The following PNPLA8 variants were observed in gnomAD, a reference collection of about 807,000 sequenced individuals.
The protein encoded by PNPLA8 is calcium-independent phospholipase A2-gamma.
Under a neutral mutation model 76.9 loss-of-function variants are expected in PNPLA8, and 39 were observed. That is an observed-to-expected ratio of 0.51 (90% CI 0.39 to 0.66). The LOEUF (loss-of-function observed/expected upper bound fraction) is 0.66, where lower values mean the gene tolerates loss of function less well. Ranked by LOEUF, PNPLA8 falls within the 30% of genes least tolerant of loss-of-function variation. The pLI is 0.00. For missense variants in PNPLA8, 887 were observed against 918.0 expected, an observed-to-expected ratio of 0.97 and a Z score of 0.44; for synonymous variants, 301 against 307.9, an observed-to-expected ratio of 0.98 and a Z score of 0.24.
At chr7:108,505,332 ATATATATATATATATATATATTTTTTTT>A (rs1862304158) in intron 4 of PNPLA8, among the ~76,000 whole-genome samples, 2 of 5,472 alleles carry the variant, frequency 3.7e-4, no homozygotes, top group Admixed American at 6.7e-3. Context: ...ATATATATAT[ATATATATATATATATATATATTTTTTTT>A]TTTTTTTTTT....
At chr7:108,481,596 T>C (rs1394063975) in intron 9 of PNPLA8, among the ~76,000 whole-genome samples, 1 of 152,248 alleles carries the variant, frequency 6.6e-6, no homozygotes, top group Non-Finnish European at 1.5e-5. Context: ...TTGTTGGACA[T>C]GTGAATTTGC....
chr7:108,506,500 G>A (rs142121138), intron 4 of PNPLA8, among the ~76,000 whole-genome samples: 334 of 152,234 alleles, frequency 2.2e-3, no homozygotes, highest in African/African-American at 7.2e-3. Context: ...ATCTACTAAC[G>A]TTACAAATAT....
chr7:108,519,529 T>C (rs1369954087), intron 2 of PNPLA8, among the ~76,000 whole-genome samples: 2 of 152,168 alleles, frequency 1.3e-5, no homozygotes, highest in Non-Finnish European at 2.9e-5. Flanking sequence ...TGAGAACCTA[T>C]TCCAATTGTC....
intron 4 of PNPLA8, 119 bp downstream of exon 4, chr7:108,514,025 T>C (rs564717572): frequency 2.3e-5 from 16 of 688,030 alleles, no homozygotes; most frequent in Non-Finnish European, 3.3e-5. Flanking sequence ...ACACATCACA[T>C]GTATAATAAA....
rs11548060 is a variant in PNPLA8, at chr7:108,515,172, G to C, written c.320C>G (p.Thr107Ser). The C allele has an allele frequency of 6.2e-7, 1 of 1,607,616 alleles. No homozygotes were observed. Among genetic ancestry groups the C allele is most frequent in the East Asian group, 2.2e-5 (1 of 44,750 alleles). ...VNICMSRIKS[T>S]LNSVSKAVFG... ...AACAGCCTTTGAAACAGAGTTCAAA[G>C]TACTTTTAATACGGGACATACAAAT... The change falls in exon 3 of 11, where the codon ACT becomes AGT. Residue 107 changes from threonine (T) to serine (S), a missense_variant. By Grantham distance (58) the Thr-to-Ser change is moderately conservative. Coordinates refer to ENST00000257694, the MANE Select transcript of PNPLA8 (RefSeq NM_001256007.3).
chr7:108,501,998 C>T (rs968346090), intron 5 of PNPLA8, among the ~76,000 whole-genome samples: 2 of 151,336 alleles, frequency 1.3e-5, no homozygotes, highest in African/African-American at 2.4e-5. Context: ...CCAAATCAAA[C>T]CAAAGAACTG....
intron 9 of PNPLA8, among the ~76,000 whole-genome samples, chr7:108,480,877 A>G (rs1045023367): frequency 1.2e-4 from 19 of 152,256 alleles, no homozygotes; most frequent in African/African-American, 4.6e-4. Context: ...CTCTCATGCT[A>G]TGTCTTTGTA....
intron 10 of PNPLA8, among the ~76,000 whole-genome samples, chr7:108,474,328 A>C (rs1859828609): frequency 1.3e-5 from 2 of 152,194 alleles, no homozygotes; most frequent in Non-Finnish European, 2.9e-5. Flanking sequence ...GATCAGGAAC[A>C]GGGTAAGATG....
chr7:108,507,319 G>A (rs1433855315), intron 4 of PNPLA8, among the ~76,000 whole-genome samples: 2 of 132,722 alleles, frequency 1.5e-5, no homozygotes, highest in Non-Finnish European at 3.1e-5. Flanking sequence ...CTCCAGCCTG[G>A]TGACAGAGTA....
intron 9 of PNPLA8, among the ~76,000 whole-genome samples, chr7:108,483,368 GTC>G (rs1860533215): frequency 6.6e-6 from 1 of 152,166 alleles, no homozygotes; most frequent in Non-Finnish European, 1.5e-5. Flanking sequence ...AGTTTGCCAC[GTC>G]TTTCTATTGC....
At chr7:108,522,486 GC>G (rs1863816996) in intron 1 of PNPLA8, among the ~76,000 whole-genome samples, 1 of 151,848 alleles carries the variant, frequency 6.6e-6, no homozygotes, top group Non-Finnish European at 1.5e-5. Flanking sequence ...TGACCTGGAG[GC>G]CCCGTCCCCT....
intron 4 of PNPLA8, among the ~76,000 whole-genome samples, chr7:108,504,271 ACGTATGTGAAT>A (rs1862173338): frequency 1.3e-5 from 2 of 152,214 alleles, no homozygotes; most frequent in Non-Finnish European, 2.9e-5. Flanking sequence ...AAAAACTATA[ACGTATGTGAAT>A]CCAGTACCGA....
Position 108,518,843 on chromosome 7 carries a change from A to G in PNPLA8, c.-84+2633T>C, listed in dbSNP as rs535300268. ...AAATCTTATGGACACACATATACAT[A>G]CACATATTGATTCTGAAAGGATAAG... On this transcript the variant is annotated intron_variant, in intron 2 of 10. Transcript: ENST00000257694. 3.3e-4 allele frequency among the ~76,000 whole-genome samples: 50 copies of G among 151,574 alleles called. No individual in the cohort carries two copies. The South Asian group carries it at 8.3e-3, about 25-fold the overall frequency.
At chr7:108,491,494 T>G in intron 7 of PNPLA8, 27 bp from the exon 8 acceptor site, 1 of 1,394,440 alleles carries the variant, frequency 7.2e-7, no homozygotes, top group African/African-American at 1.4e-5. Flanking sequence ...AAAAATAAGT[T>G]ATATCAAAAT....
In PNPLA8 at chr7:108,515,388, G is replaced by A. The variant is rs1223456667; in HGVS notation, c.104C>T (p.Pro35Leu). ...GTGGCTTATCCTCCAGTAATGCTTAGGTGAGAACAAGAAATACAGTTGCTT... is the reference window on the plus strand; with the variant it reads ...GTGGCTTATCCTCCAGTAATGCTTAAGTGAGAACAAGAAATACAGTTGCTT... ...RSKQLYFLFS[P>L]KHYWRISHIS... Residue 35 changes from proline (P) to leucine (L), a missense_variant, in exon 3 of 11, where the codon CCT (proline) becomes CTT (leucine). Coordinates refer to ENST00000257694, the MANE Select transcript of PNPLA8 (RefSeq NM_001256007.3). 1 of 1,612,934 alleles carries A rather than the reference G, an allele frequency of 6.2e-7. No homozygotes were observed. The highest frequency in any genetic ancestry group is 1.3e-5 in the African/African-American group (1 of 74,864).
intron 2 of PNPLA8, among the ~76,000 whole-genome samples, chr7:108,517,148 A>G (rs1863404664): frequency 6.6e-6 from 1 of 152,258 alleles, no homozygotes; most frequent in Non-Finnish European, 1.5e-5. Context: ...AAATAAACAT[A>G]TAAGAAGTTG....
At chr7:108,521,596 C>T (rs1257054124) in intron 1 of PNPLA8, 75 bp from the exon 2 acceptor site, 3 of 195,664 alleles carry the variant, frequency 1.5e-5, no homozygotes, top group Middle Eastern at 2.4e-3. Flanking sequence ...TAAAATAAAG[C>T]GGGAGGAGGG....
At chr7:108,512,519 G>A (rs998339374) in intron 4 of PNPLA8, among the ~76,000 whole-genome samples, 9 of 151,852 alleles carry the variant, frequency 5.9e-5, no homozygotes, top group Non-Finnish European at 1.2e-4. Flanking sequence ...AGGGCATTAC[G>A]TATCAGACAT....
At chr7:108,481,271 A>G (rs1393220687) in intron 9 of PNPLA8, among the ~76,000 whole-genome samples, 2 of 152,232 alleles carry the variant, frequency 1.3e-5, no homozygotes, top group African/African-American at 4.8e-5. Flanking sequence ...GTTTAACTTT[A>G]TAAGAAACTG....
Sources: gnomAD v4.1 joint callset for allele counts (sites outside exome capture counted in the v4.1 genomes callset) on GRCh38, gnomAD v4.1.1 for gene constraint, MANE v1.5 for transcripts, NCBI Gene and HGNC (gene_info 2026-07-23, HGNC 2026-07-21) for gene names.